ALDH1L1: variants seen among roughly 807,000 people sequenced by gnomAD.
ALDH1L1 encodes the protein cytosolic 10-formyltetrahydrofolate dehydrogenase.
Under a neutral mutation model 101.1 loss-of-function variants are expected in ALDH1L1, and 68 were observed. The ratio of observed to expected loss-of-function variants is 0.67; its 90% confidence interval spans 0.55 to 0.82. The LOEUF (loss-of-function observed/expected upper bound fraction) is 0.82, where lower values mean the gene tolerates loss of function less well. ALDH1L1 is among the 40% of genes least tolerant of loss of function. The pLI is 0.00. For synonymous variants in ALDH1L1, 486 were observed against 470.8 expected (o/e 1.03, Z -0.42); for missense variants, 1,087 against 1,172.7 (o/e 0.93, Z 1.07).
chr3:126,135,418 C>A, intron 12 of ALDH1L1, 117 bp downstream of exon 12: 1 of 1,427,066 alleles, frequency 7.0e-7, no homozygotes, highest in Non-Finnish European at 9.3e-7. Flanking sequence ...GGTCCCATAG[C>A]CTCCCCAGGA....
intron 1 of ALDH1L1, among the ~76,000 whole-genome samples, chr3:126,167,515 C>T (rs4646699): frequency 0.067 from 10,172 of 152,056 alleles, 487 homozygotes; most frequent in East Asian, 0.19. Flanking sequence ...ATAAACATGT[C>T]CCTAAGATAA....
At position 126,150,474 on chromosome 3, in the gene ALDH1L1, A is replaced by G; in HGVS notation, c.916T>C (p.Phe306Leu). The G allele has an allele frequency of 1.9e-6, 3 of 1,551,602 alleles. No homozygotes were observed. Among genetic ancestry groups the G allele is most frequent in the Non-Finnish European group, 2.6e-6 (3 of 1,146,946 alleles). ...DGKMILASNF[F>L]KGAASSVLEL... ...AGGACACTGCTGGCTGCCCCCTTAAAGAAGTTCGAGGCCAGGATCATTTTG... is the reference window on the plus strand; with the variant it reads ...AGGACACTGCTGGCTGCCCCCTTAAGGAAGTTCGAGGCCAGGATCATTTTG... The change falls in exon 8 of 23, where the codon TTT (phenylalanine) becomes CTT (leucine). Residue 306 changes from phenylalanine to leucine, a missense_variant. By Grantham distance (22) the Phe-to-Leu change is conservative (BLOSUM62 0). Around this residue, in one of 2 missense-constraint regions of ALDH1L1, gnomAD observed 645 missense variants for 637.0 expected, o/e 1.01. Coordinates refer to ENST00000393434, the MANE Select transcript of ALDH1L1 (RefSeq NM_012190.4).
intron 16 of ALDH1L1, among the ~76,000 whole-genome samples, chr3:126,119,842 G>T (rs778856702): frequency 1.9e-4 from 29 of 152,340 alleles, no homozygotes; most frequent in African/African-American, 6.3e-4. Context: ...CATCACCAAA[G>T]AAGACAGACA....
At chr3:126,152,346 T>A (rs1196158994) in intron 7 of ALDH1L1, 1 of 152,214 alleles carries the variant, frequency 6.6e-6, no homozygotes, top group Non-Finnish European at 1.5e-5. Context: ...TCTGGAACAT[T>A]CCCTCAATAA....
chr3:126,106,819 G>C (rs1027173498), intron 21 of ALDH1L1, among the ~76,000 whole-genome samples: 1 of 152,204 alleles, frequency 6.6e-6, no homozygotes, highest in African/African-American at 2.4e-5. Flanking sequence ...ACTCAGTGTG[G>C]GGGGTGGTTT....
Position 126,135,401 on chromosome 3 carries a change from T to C in ALDH1L1, c.1472+134A>G, listed in dbSNP as rs1265530249. The stretch of plus-strand genomic sequence containing the variant: ...AGGAGCCCCAGCCTGGCCCATCTGA[T>C]GGCCTCGGTCCCATAGCCTCCCCAG... On this transcript the variant is annotated intron_variant, in intron 12 of 22. Coordinates refer to ENST00000393434, the MANE Select transcript of ALDH1L1 (RefSeq NM_012190.4). 4.0e-6 allele frequency: 5 copies of C among 1,248,126 alleles called. No individual in the cohort carries two copies. The East Asian group carries it at 1.2e-4, about 30-fold the overall frequency. 77.3% of individuals were successfully genotyped at this position (1,248,126 alleles called of 1,614,324 possible).
At position 126,159,246 on chromosome 3, in the gene ALDH1L1, A is replaced by C. The variant is rs61105639; in HGVS notation, c.128-607T>G. On this transcript the variant is annotated intron_variant, in intron 2 of 22. Coordinates refer to ENST00000393434, the MANE Select transcript of ALDH1L1 (RefSeq NM_012190.4). ...TGCACACACACACACACACACACAC[A>C]CCCCAGAGGACCAGATACAGCCTGC... 4.9e-3 allele frequency: 1,797 copies of C among 363,452 alleles called. 14 individuals carry two copies. The highest frequency in any genetic ancestry group is 0.025 in the African/African-American group (1,139 of 46,132). 22.5% of individuals were successfully genotyped at this position (363,452 alleles called of 1,614,324 possible).
upstream of ALDH1L1, among the ~76,000 whole-genome samples, chr3:126,183,838 T>G (rs1457185079): frequency 6.6e-6 from 1 of 152,176 alleles, no homozygotes; most frequent in Admixed American, 6.5e-5. Context: ...CATCAAAGCC[T>G]GATTTAGATG....
upstream of ALDH1L1, among the ~76,000 whole-genome samples, chr3:126,184,537 C>T (rs1299428223): frequency 1.3e-5 from 2 of 152,194 alleles, no homozygotes; most frequent in Non-Finnish European, 2.9e-5. Flanking sequence ...CTGGATAAGC[C>T]CTGCAGAGAG....
At chr3:126,142,326 C>T (rs2080584754) in intron 9 of ALDH1L1, among the ~76,000 whole-genome samples, 1 of 152,184 alleles carries the variant, frequency 6.6e-6, no homozygotes, top group African/African-American at 2.4e-5. Context: ...GAAGAGAACA[C>T]ATCTTCAACT....
chr3:126,146,050 G>A (rs1024734271), intron 9 of ALDH1L1, among the ~76,000 whole-genome samples: 1 of 152,108 alleles, frequency 6.6e-6, no homozygotes, highest in African/African-American at 2.4e-5. Context: ...GAGGTCCACA[G>A]TGCCAAGCAC....
At chr3:126,181,198 G>A (rs1576507325), upstream of ALDH1L1, 1 of 613,616 alleles carries the variant, frequency 1.6e-6, no homozygotes, top group Middle Eastern at 4.3e-4. Context: ...CCCTCCTCCT[G>A]GTTCCCAGAG....
intron 1 of ALDH1L1, among the ~76,000 whole-genome samples, chr3:126,197,508 G>A (rs2108357514): frequency 6.6e-6 from 1 of 152,248 alleles, no homozygotes; most frequent in Non-Finnish European, 1.5e-5. Context: ...TCAGATGTAA[G>A]AGTCCTCTAA....
At chr3:126,176,539 A>C (rs1477490777) in intron 1 of ALDH1L1, among the ~76,000 whole-genome samples, 1 of 152,220 alleles carries the variant, frequency 6.6e-6, no homozygotes, top group Non-Finnish European at 1.5e-5. Context: ...CAATACAGTC[A>C]ACTGAACTTT....
intron 16 of ALDH1L1, among the ~76,000 whole-genome samples, chr3:126,120,521 A>G (rs571330270): frequency 1.4e-4 from 21 of 152,340 alleles, no homozygotes; most frequent in African/African-American, 5.1e-4. Context: ...GTTACACTCT[A>G]ATGGTAGATG....
intron 1 of ALDH1L1, among the ~76,000 whole-genome samples, chr3:126,172,382 TAAGAAAA>T (rs1482108356): frequency 6.6e-6 from 1 of 151,698 alleles, no homozygotes. Flanking sequence ...AGATGGAAAT[TAAGAAAA>T]AAATCAAAAA....
At position 126,118,037 on chromosome 3, in the gene ALDH1L1, G is replaced by A. The variant is rs140053158; in HGVS notation, c.1950C>T (p.Gly650=). The A allele has an allele frequency of 1.2e-4, 192 of 1,614,092 alleles. No individual in the cohort carries two copies. The African/African-American group carries it at 2.1e-3, about 17-fold the overall frequency. The change falls in exon 17 of 23, where the codon GGC becomes GGT. Residue 650 remains glycine (G), a synonymous_variant. Transcript: ENST00000393434. ...TGATGTGCTTGCCCACCTCTGTGGA[G>A]CCTGTGAACCCGATTTTCCTCACAT... ...HPDVRKIGFT[G]STEVGKHIMK...
chr3:126,114,887 T>G lies in ALDH1L1; in HGVS notation c.1983-231A>C, dbSNP rs1022426695. ...TGCCCCACTGCCCCCTGGACTGCCCTTCCTGCTGCCCACTCCACACCTCAT... is the reference window on the plus strand; with the variant it reads ...TGCCCCACTGCCCCCTGGACTGCCCGTCCTGCTGCCCACTCCACACCTCAT... On this transcript the variant is annotated intron_variant, in intron 17 of 22. Transcript: ENST00000393434. 5.2e-6 allele frequency: 3 copies of G among 577,992 alleles called. No homozygotes were observed. In the African/African-American group the frequency reaches 5.7e-5, roughly 11 times the overall value. The allele number at this position is 577,992 out of a possible 1,614,324, so 35.8% of individuals were successfully genotyped here.
chr3:126,123,398 C>T (rs937154525), intron 16 of ALDH1L1, among the ~76,000 whole-genome samples: 2 of 151,880 alleles, frequency 1.3e-5, no homozygotes, highest in Non-Finnish European at 2.9e-5. Context: ...GCTGGGGTTA[C>T]AAGCGCCTGC....
Sources: allele counts gnomAD v4.1 joint callset (sites outside exome capture counted in the v4.1 genomes callset), GRCh38; gene constraint gnomAD v4.1.1; regional missense constraint gnomAD v4.1.1; transcripts MANE v1.5; gene names NCBI Gene and HGNC (gene_info 2026-07-23, HGNC 2026-07-21).